Variants in NRG1 observed in about 807,000 individuals in gnomAD.
The protein encoded by NRG1 is neuregulin 1, also known as pro-neuregulin-1, membrane-bound isoform.
Under a neutral mutation model 63.8 loss-of-function variants are expected in NRG1, and 18 were observed. That is an observed-to-expected ratio of 0.28 (90% CI 0.19 to 0.42). NRG1 has a LOEUF of 0.42. Among genes scored for constraint, NRG1 ranks in the 10% least tolerant of loss-of-function variants. The pLI is 1.00. For missense variants in NRG1, 762 were observed against 814.7 expected (o/e 0.94, Z 0.79); for synonymous variants, 302 against 301.3 (o/e 1.00, Z -0.02).
intron 5 of NRG1, among the ~76,000 whole-genome samples, chr8:32,720,715 C>T (rs1243331397): frequency 6.6e-6 from 1 of 152,010 alleles, no homozygotes; most frequent in Non-Finnish European, 1.5e-5. Flanking sequence ...TGACATCCTC[C>T]ATGGTATTCG....
At chr8:32,366,486 A>G (rs936819900) in intron 1 of NRG1, among the ~76,000 whole-genome samples, 2 of 151,954 alleles carry the variant, frequency 1.3e-5, no homozygotes, top group Non-Finnish European at 2.9e-5. Context: ...ACTTAACATA[A>G]TGACATCCAG....
chr8:32,183,765 A>G (rs1263520915), intron 1 of NRG1, among the ~76,000 whole-genome samples: 1 of 152,182 alleles, frequency 6.6e-6, no homozygotes, highest in African/African-American at 2.4e-5. Context: ...CAGGTAAGAG[A>G]TAAGAAAACA....
At chr8:31,651,777 T>C (rs1417051505) in intron 1 of NRG1, among the ~76,000 whole-genome samples, 2 of 152,184 alleles carry the variant, frequency 1.3e-5, no homozygotes, top group Non-Finnish European at 2.9e-5. Flanking sequence ...TTAGCTGGGC[T>C]AGGTCCATTT....
At chr8:31,687,309 C>T (rs1174101805) in intron 1 of NRG1, among the ~76,000 whole-genome samples, 1 of 152,184 alleles carries the variant, frequency 6.6e-6, no homozygotes, top group African/African-American at 2.4e-5. Flanking sequence ...TTTAACTTTC[C>T]TTGCCACACT....
chr8:31,945,997 G>A (rs1249356859), intron 1 of NRG1, among the ~76,000 whole-genome samples: 1 of 152,106 alleles, frequency 6.6e-6, no homozygotes, highest in Non-Finnish European at 1.5e-5. Flanking sequence ...AATTTCTCTG[G>A]GCTGCCCCCA....
intron 4 of NRG1, among the ~76,000 whole-genome samples, chr8:32,615,047 C>T (rs1470256231): frequency 1.2e-5 from 1 of 80,822 alleles, no homozygotes; most frequent in African/African-American, 7.6e-5. Flanking sequence ...AAAAGACTTA[C>T]AGCCTTTAAA....
chr8:31,763,688 C>T (rs530464981), intron 1 of NRG1, among the ~76,000 whole-genome samples: 13 of 152,326 alleles, frequency 8.5e-5, no homozygotes, highest in East Asian at 5.8e-4. Flanking sequence ...CAGTGGCTCA[C>T]GCCTGTGATC....
At chr8:32,255,073 A>T (rs1849539122) in intron 1 of NRG1, among the ~76,000 whole-genome samples, 1 of 151,936 alleles carries the variant, frequency 6.6e-6, no homozygotes, top group South Asian at 2.1e-4. Context: ...CTTTATTTTG[A>T]GCCTGTGTGT....
chr8:32,577,050 C>G (rs2129529872), intron 1 of NRG1, among the ~76,000 whole-genome samples: 1 of 152,184 alleles, frequency 6.6e-6, no homozygotes, highest in Non-Finnish European at 1.5e-5. Context: ...TTAGCTCCTA[C>G]TTATAAGTGA....
chr8:32,291,263 A>G (rs1854163782), intron 1 of NRG1, among the ~76,000 whole-genome samples: 1 of 152,176 alleles, frequency 6.6e-6, no homozygotes, highest in Non-Finnish European at 1.5e-5. Flanking sequence ...CCTCACAGAA[A>G]CACCAGAATA....
intron 1 of NRG1, among the ~76,000 whole-genome samples, chr8:31,691,847 GTT>G (rs1392497554): frequency 6.6e-6 from 1 of 151,884 alleles, no homozygotes; most frequent in African/African-American, 2.4e-5. Context: ...ATTTGTTTTT[GTT>G]TTTGTTTCAG....
At chr8:31,745,723 T>C (rs529945889) in intron 1 of NRG1, among the ~76,000 whole-genome samples, 1 of 152,048 alleles carries the variant, frequency 6.6e-6, no homozygotes, top group South Asian at 2.1e-4. Flanking sequence ...CCGCTTATGC[T>C]TGCTGTGAGC....
At position 31,775,877 on chromosome 8, in the gene NRG1, C is replaced by T. The variant is rs534962226; in HGVS notation, c.37+136446C>T. On this transcript the variant is annotated intron_variant, in intron 1 of 10. Coordinates refer to the NRG1 transcript ENST00000519301. ...CAGCCTGGGCGACAGAGCAAGACTC[C>T]GTCTCAAAAAAAAAAAAAAAAAAAA... 2.9e-3 allele frequency among the ~76,000 whole-genome samples: 270 copies of T among 94,056 alleles called. 1 individual carries two copies. Among genetic ancestry groups the T allele is most frequent in the African/African-American group, 0.011 (261 of 24,334 alleles). The allele number at this position is 94,056 out of a possible 152,430, so 61.7% of individuals were successfully genotyped here. A position where few individuals can be genotyped will look rare whatever the true frequency, so the allele number is the denominator to read the frequency against.
chr8:31,855,992 T>G (rs1259048592), intron 1 of NRG1, among the ~76,000 whole-genome samples: 1 of 151,482 alleles, frequency 6.6e-6, no homozygotes, highest in Admixed American at 6.6e-5. Flanking sequence ...GCTGTTAGTC[T>G]GATGGGCTTC....
At chr8:32,674,608 GA>G (rs1161750621) in intron 5 of NRG1, among the ~76,000 whole-genome samples, 8 of 152,178 alleles carry the variant, frequency 5.3e-5, no homozygotes, top group Non-Finnish European at 1.2e-4. Context: ...AAAAAGCAAA[GA>G]ATTTTATGTC....
intron 1 of NRG1, among the ~76,000 whole-genome samples, chr8:31,657,392 G>A (rs947481591): frequency 6.6e-6 from 1 of 152,186 alleles, no homozygotes; most frequent in East Asian, 1.9e-4. Flanking sequence ...AGTTGACCAT[G>A]GAGAACCATA....
At chr8:31,805,810 C>T (rs1308557984) in intron 1 of NRG1, among the ~76,000 whole-genome samples, 1 of 121,054 alleles carries the variant, frequency 8.3e-6, no homozygotes. Context: ...CCTGGGCAAC[C>T]GAGCGGGACT....
At chr8:32,267,378 G>A in intron 1 of NRG1, among the ~76,000 whole-genome samples, 1 of 152,130 alleles carries the variant, frequency 6.6e-6, no homozygotes, top group East Asian at 1.9e-4. Context: ...TGAAGATAAG[G>A]CAGTTGGCAC....
intron 1 of NRG1, among the ~76,000 whole-genome samples, chr8:32,274,168 A>C (rs1360702946): frequency 6.6e-6 from 1 of 152,216 alleles, no homozygotes; most frequent in Non-Finnish European, 1.5e-5. Flanking sequence ...ACTAAAAAAT[A>C]CATGCAGAGT....
Sources: gnomAD v4.1 joint callset for allele counts (sites outside exome capture counted in the v4.1 genomes callset) on GRCh38, gnomAD v4.1.1 for gene constraint, MANE v1.5 for transcripts, NCBI Gene and HGNC (gene_info 2026-07-23, HGNC 2026-07-21) for gene names.